TMEM250: variants seen among roughly 807,000 people sequenced by gnomAD.
TMEM250 encodes transmembrane protein 250, also known as herpes virus UL25-binding protein.
Under a neutral mutation model 7.0 loss-of-function variants are expected in TMEM250, and 7 were observed. That is an observed-to-expected ratio of 1.00 (90% CI 0.57 to 1.87). The LOEUF is 1.87. Ranked by LOEUF, TMEM250 falls within the 40% of genes most tolerant of loss-of-function variation. The pLI is 0.00. For missense variants in TMEM250, 196 were observed against 202.5 expected (o/e 0.97, Z 0.19); for synonymous variants, 135 against 96.7 (o/e 1.40, Z -2.32).
rs2131214811 is a variant in TMEM250, at chr9:136,116,175, G to A, written c.*306C>T. 9.6e-6 allele frequency: 5 copies of A among 520,024 alleles called. No individual in the cohort carries two copies. The South Asian group carries it at 1.6e-4, about 17-fold the overall frequency. The allele number at this position is 520,024 out of a possible 1,614,324, so 32.2% of individuals were successfully genotyped here. On this transcript the variant is annotated 3_prime_UTR_variant, in exon 2 of 2. Transcript: ENST00000418388. ...CCTGGCAGCTGTGGTCCTGGAGAGA[G>A]GCCCACAGAGAGGCGGAACGGAGGG...
At chr9:136,117,147 G>A (rs1476530723) in intron 1 of TMEM250, 123 bp from the exon 2 acceptor site, 9 of 544,880 alleles carry the variant, frequency 1.7e-5, no homozygotes, top group African/African-American at 1.2e-4. Context: ...ATGGAGTCCA[G>A]GGCGGGATCT....
At position 136,115,137 on chromosome 9, in the gene TMEM250, T is replaced by C. The variant is rs1319045855; in HGVS notation, c.*1344A>G. 2 of 152,308 alleles carry C rather than the reference T, an allele frequency of 1.3e-5. No individual in the cohort carries two copies. Among genetic ancestry groups the C allele is most frequent in the Non-Finnish European group, 2.9e-5 (2 of 68,072 alleles). 9.4% of individuals were successfully genotyped at this position (152,308 alleles called of 1,614,324 possible). ...ATGCCCAGAGTGTGGGGACATGGAT[T>C]TGAGGTGACACTAGGGTTGTCAGTA... On this transcript the variant is annotated 3_prime_UTR_variant, in exon 2 of 2. Coordinates refer to ENST00000418388, the MANE Select transcript of TMEM250 (RefSeq NM_152833.3).
chr9:136,116,933 T>G lies in TMEM250; in HGVS notation c.-33A>C, dbSNP rs1564256822. 2 of 1,429,206 alleles carry G rather than the reference T, an allele frequency of 1.4e-6. No homozygotes were observed. Among genetic ancestry groups the G allele is most frequent in the Admixed American group, 3.1e-5 (1 of 32,746 alleles). 88.5% of individuals were successfully genotyped at this position (1,429,206 alleles called of 1,614,324 possible). Reference sequence around the variant, plus strand: ...CGGCGGCGGCGGCGCTAGGTCGCAGTGGCGGCGGCGGTGTCCAGGCGGCTG... The same window carrying G: ...CGGCGGCGGCGGCGCTAGGTCGCAGGGGCGGCGGCGGTGTCCAGGCGGCTG... On this transcript the variant is annotated 5_prime_UTR_variant, in exon 2 of 2. Transcript: ENST00000418388.
chr9:136,116,296 AG>A lies in TMEM250; in HGVS notation c.*184del. 1 of 1,292,042 alleles carries A rather than the reference AG, an allele frequency of 7.7e-7. No individual in the cohort carries two copies. The highest frequency in any genetic ancestry group is 1.5e-5 in the African/African-American group (1 of 66,982). 80.0% of individuals were successfully genotyped at this position (1,292,042 alleles called of 1,614,324 possible). A position where few individuals can be genotyped will look rare whatever the true frequency, so the allele number is the denominator to read the frequency against. Reference sequence around the variant, plus strand: ...GCATACGGGGAGGGTGGGTCCAGGAAGCCAGCCTAGGGGTGGTGTCCGCGCC... The same window carrying A: ...GCATACGGGGAGGGTGGGTCCAGGAACCAGCCTAGGGGTGGTGTCCGCGCC... On this transcript the variant is annotated 3_prime_UTR_variant, in exon 2 of 2. Transcript: ENST00000418388.
Position 136,115,410 on chromosome 9 carries a change from C to A in TMEM250, c.*1071G>T, listed in dbSNP as rs1024471949. The stretch of plus-strand genomic sequence containing the variant: ...CCTGCCCCTGTGCCATCATTTGGGC[C>A]CCCCAGACACTGGAGGACAGCGTGA... On this transcript the variant is annotated 3_prime_UTR_variant, in exon 2 of 2. Coordinates refer to ENST00000418388, the MANE Select transcript of TMEM250 (RefSeq NM_152833.3). The A allele has an allele frequency of 6.6e-6, 1 of 152,308 alleles. No homozygotes were observed. The highest frequency in any genetic ancestry group is 2.4e-5 in the African/African-American group (1 of 41,436). The allele number at this position is 152,308 out of a possible 1,614,324, so 9.4% of individuals were successfully genotyped here. A position where few individuals can be genotyped will look rare whatever the true frequency, so the allele number is the denominator to read the frequency against.
Position 136,116,103 on chromosome 9 carries a change from A to G in TMEM250, c.*378T>C, listed in dbSNP as rs1263449884. On this transcript the variant is annotated 3_prime_UTR_variant, in exon 2 of 2. Coordinates refer to ENST00000418388, the MANE Select transcript of TMEM250 (RefSeq NM_152833.3). ...CCCCCCTCCGGAATTGCTCCTGGGC[A>G]CACAGCCCTCTGTGTCCAGGGGCCT... The G allele has an allele frequency of 2.3e-6, 1 of 426,574 alleles. No homozygotes were observed. The highest frequency in any genetic ancestry group is 4.1e-6 in the Non-Finnish European group (1 of 242,872). The allele number at this position is 426,574 out of a possible 1,614,324, so 26.4% of individuals were successfully genotyped here. A position where few individuals can be genotyped will look rare whatever the true frequency, so the allele number is the denominator to read the frequency against.
chr9:136,115,755 T>A lies in TMEM250; in HGVS notation c.*726A>T. The A allele has an allele frequency of 5.2e-6, 1 of 193,864 alleles. No individual in the cohort carries two copies. Among genetic ancestry groups the A allele is most frequent in the Non-Finnish European group, 1.0e-5 (1 of 96,338 alleles). The allele number at this position is 193,864 out of a possible 1,614,324, so 12.0% of individuals were successfully genotyped here. A position where few individuals can be genotyped will look rare whatever the true frequency, so the allele number is the denominator to read the frequency against. ...GGCCAGTGTTGCTGGAGTCAGCCCC[T>A]GGCTCCCAGGGTTCCCCCCAGGCCA... On this transcript the variant is annotated 3_prime_UTR_variant, in exon 2 of 2. Coordinates refer to ENST00000418388, the MANE Select transcript of TMEM250 (RefSeq NM_152833.3).
In TMEM250 at chr9:136,116,236, G is replaced by A. The variant is rs1331165048; in HGVS notation, c.*245C>T. On this transcript the variant is annotated 3_prime_UTR_variant, in exon 2 of 2. Transcript: ENST00000418388. ...AGTACGACCCGAAGACATGTGAGCA[G>A]GAGCCACCGGCAGGTGGGCGCTGCC... is the stretch of plus-strand genomic sequence containing the variant. The A allele has an allele frequency of 1.8e-5, 13 of 711,622 alleles. No homozygotes were observed. Among genetic ancestry groups the A allele is most frequent in the Non-Finnish European group, 2.9e-5 (13 of 453,148 alleles). 44.1% of individuals were successfully genotyped at this position (711,622 alleles called of 1,614,324 possible).
chr9:136,118,506 CGCCGGCGTCCCGGACCTCGGG>C lies in TMEM250; in HGVS notation c.-167_-147del, dbSNP rs1830761657. On this transcript the variant is annotated 5_prime_UTR_variant, in exon 1 of 2. Transcript: ENST00000418388. ...TCACCCGGTGCCCTCTCCGCGGCGG[CGCCGGCGTCCCGGACCTCGGG>C]GCCGGCCGGCGGTGCTAGGGGCCGG... is the stretch of plus-strand genomic sequence containing the variant. 6.6e-6 allele frequency: 1 copy of C among 151,368 alleles called. No individual in the cohort carries two copies. The highest frequency in any genetic ancestry group is 1.5e-5 in the Non-Finnish European group (1 of 68,072). 9.4% of individuals were successfully genotyped at this position (151,368 alleles called of 1,614,324 possible).
chr9:136,116,508 C>G lies in TMEM250; in HGVS notation c.393G>C (p.Trp131Cys). 1.9e-6 allele frequency: 3 copies of G among 1,566,928 alleles called. No homozygotes were observed. The highest frequency in any genetic ancestry group is 2.6e-6 in the Non-Finnish European group (3 of 1,163,904). The part of the protein sequence containing the change: ...VTMLLVGGLG[W>C]CFMVFVDM ...ACATGTCCACGAAGACCATGAAGCA[C>G]CAGCCCAGGCCCCCGACCAGCAGCA... is the stretch of plus-strand genomic sequence containing the variant. The change falls in exon 2 of 2, where the codon TGG (tryptophan) becomes TGC (cysteine). Residue 131 changes from tryptophan (W) to cysteine (C), a missense_variant. Trp to Cys is a radical substitution (Grantham distance 215). Coordinates refer to ENST00000418388, the MANE Select transcript of TMEM250 (RefSeq NM_152833.3).
chr9:136,118,058 C>T (rs991798093), intron 1 of TMEM250: 2 of 152,288 alleles, frequency 1.3e-5, no homozygotes, highest in African/African-American at 2.4e-5. Context: ...CTCCCGTGCC[C>T]GCAGGGGCCC....
rs951371936 is a variant in TMEM250 at position 136,115,884 on chromosome 9, G to A, written c.*597C>T. The A allele has an allele frequency of 5.2e-6, 2 of 381,590 alleles. No individual in the cohort carries two copies. The highest frequency in any genetic ancestry group is 4.2e-5 in the African/African-American group (2 of 47,442). The allele number at this position is 381,590 out of a possible 1,614,324, so 23.6% of individuals were successfully genotyped here. ...TCCAAGGGGACCCTGAAGGCTGGCTGGGGACTCAGGACCCACACAGCCCCT... is the reference window on the plus strand; with the variant it reads ...TCCAAGGGGACCCTGAAGGCTGGCTAGGGACTCAGGACCCACACAGCCCCT... On this transcript the variant is annotated 3_prime_UTR_variant, in exon 2 of 2. Transcript: ENST00000418388.
Position 136,117,119 on chromosome 9 carries a change from C to T in TMEM250, c.-124-95G>A, listed in dbSNP as rs568063226. ...TGGCGAAAGTGGACACAAACTCCAG[C>T]ACCAGGACTACGGGAAAATGGAGTC... is the stretch of plus-strand genomic sequence containing the variant. On this transcript the variant is annotated intron_variant, in intron 1 of 1. Transcript: ENST00000418388. 2.1e-5 allele frequency: 15 copies of T among 700,610 alleles called. No individual in the cohort carries two copies. In the South Asian group the frequency reaches 4.1e-4, roughly 19 times the overall value. 43.4% of individuals were successfully genotyped at this position (700,610 alleles called of 1,614,324 possible).
Position 136,116,914 on chromosome 9 carries a change from C to CGGCGGCGCTAGGTCGCAGT in TMEM250, c.-33_-15dup, listed in dbSNP as rs1373491293. On this transcript the variant is annotated 5_prime_UTR_variant, in exon 2 of 2. An upstream open reading frame in the 5' UTR gains an earlier in-frame stop. Transcript: ENST00000418388. ...CATGACCGGCATTGGGCCCCGGCGG[C>CGGCGGCGCTAGGTCGCAGT]GGCGGCGCTAGGTCGCAGTGGCGGC... is the stretch of plus-strand genomic sequence containing the variant. 1.3e-6 allele frequency: 2 copies of CGGCGGCGCTAGGTCGCAGT among 1,482,822 alleles called. No individual in the cohort carries two copies. The highest frequency in any genetic ancestry group is 1.8e-6 in the Non-Finnish European group (2 of 1,122,614). The allele number at this position is 1,482,822 out of a possible 1,614,324, so 91.9% of individuals were successfully genotyped here.
At chr9:136,117,622 C>A (rs1260826880) in intron 1 of TMEM250, among the ~76,000 whole-genome samples, 1 of 152,232 alleles carries the variant, frequency 6.6e-6, no homozygotes, top group Non-Finnish European at 1.5e-5. Context: ...GGGCCTGAAC[C>A]CTGGCACTGT....
intron 1 of TMEM250, chr9:136,117,848 A>G (rs555301466): frequency 2.0e-5 from 3 of 152,488 alleles, no homozygotes; most frequent in East Asian, 1.9e-4. Flanking sequence ...AGCTTCACCT[A>G]GTAAAGGCCG....
At position 136,115,504 on chromosome 9, in the gene TMEM250, T is replaced by G. The variant is rs1350811392; in HGVS notation, c.*977A>C. Reference sequence around the variant, plus strand: ...TGCCACACAGGCTCTGGGGCTGTGTTTGCCGCACTGAGGCCTCTGCCGCCT... The same window carrying G: ...TGCCACACAGGCTCTGGGGCTGTGTGTGCCGCACTGAGGCCTCTGCCGCCT... On this transcript the variant is annotated 3_prime_UTR_variant, in exon 2 of 2. Transcript: ENST00000418388. 6.6e-6 allele frequency: 1 copy of G among 152,336 alleles called. No homozygotes were observed. The highest frequency in any genetic ancestry group is 2.4e-5 in the African/African-American group (1 of 41,452). 9.4% of individuals were successfully genotyped at this position (152,336 alleles called of 1,614,324 possible).
At chr9:136,117,871 C>T (rs1830741356) in intron 1 of TMEM250, 1 of 152,294 alleles carries the variant, frequency 6.6e-6, no homozygotes, top group Admixed American at 6.5e-5. Flanking sequence ...TATACCTTGC[C>T]GAAATAATCT....
In TMEM250 at chr9:136,116,726, A is replaced by T. The variant is rs1422749469; in HGVS notation, c.175T>A (p.Tyr59Asn). 6.2e-7 allele frequency: 1 copy of T among 1,612,516 alleles called. No homozygotes were observed. The highest frequency in any genetic ancestry group is 8.5e-7 in the Non-Finnish European group (1 of 1,179,744). ...WLYGFIRFLL[Y>N]FSCSLFTAAL... is the part of the protein sequence containing the mutation. ...GCAGTGAACAGGCTGCAGCTAAAGT[A>T]GAGTAGGAAGCGGATGAAGCCGTAC... Residue 59 changes from tyrosine (Y) to asparagine (N), a missense_variant, in exon 2 of 2, where the codon TAC (tyrosine) becomes AAC (asparagine). By Grantham distance (143) the Tyr-to-Asn change is moderately radical. Transcript: ENST00000418388.
Sources: allele counts gnomAD v4.1 joint callset (sites outside exome capture counted in the v4.1 genomes callset), GRCh38; gene constraint gnomAD v4.1.1; transcripts MANE v1.5; gene names NCBI Gene and HGNC (gene_info 2026-07-23, HGNC 2026-07-21).